IMMP2L: variants seen among roughly 807,000 people sequenced by gnomAD.
IMMP2L encodes the protein inner mitochondrial membrane peptidase subunit 2.
Under a neutral mutation model 19.3 loss-of-function variants are expected in IMMP2L, and 18 were observed. The observed-to-expected ratio is 0.93, with a 90% CI of 0.64 to 1.38. The LOEUF is 1.38. Among genes scored for constraint, IMMP2L ranks in the 40% most tolerant of loss-of-function variants. IMMP2L has a pLI of 0.00. For synonymous variants in IMMP2L, 76 were observed against 73.0 expected, an observed-to-expected ratio of 1.04 and a Z score of -0.21; for missense variants, 233 against 218.2, an observed-to-expected ratio of 1.07 and a Z score of -0.43.
At chr7:111,401,249 T>C (rs1002527610) in intron 3 of IMMP2L, among the ~76,000 whole-genome samples, 1 of 152,170 alleles carries the variant, frequency 6.6e-6, no homozygotes, top group Admixed American at 6.5e-5. Flanking sequence ...TACTTACCTG[T>C]AAATACTAAA....
chr7:111,456,401 T>C (rs570382580), intron 3 of IMMP2L, among the ~76,000 whole-genome samples: 1 of 151,882 alleles, frequency 6.6e-6, no homozygotes, highest in African/African-American at 2.4e-5. Context: ...AATCCTAGAT[T>C]AGTTAACAGC....
chr7:110,859,118 T>C (rs962922675), intron 5 of IMMP2L, among the ~76,000 whole-genome samples: 1 of 152,102 alleles, frequency 6.6e-6, no homozygotes, highest in Non-Finnish European at 1.5e-5. Flanking sequence ...GTTGTTTTGA[T>C]TGATATAAAA....
chr7:111,063,467 T>C (rs552044924), intron 3 of IMMP2L, among the ~76,000 whole-genome samples: 2 of 152,288 alleles, frequency 1.3e-5, no homozygotes, highest in African/African-American at 4.8e-5. Context: ...CCTATTTTCT[T>C]GGGGCTTAAC....
rs144646748 is a variant in IMMP2L, at chr7:111,506,633, G to A, written c.135+14680C>T. 4.0e-3 allele frequency among the ~76,000 whole-genome samples: 606 copies of A among 152,264 alleles called. 2 individuals carry two copies. Among genetic ancestry groups the A allele is most frequent in the Middle Eastern group, 0.02 (6 of 294 alleles). On this transcript the variant is annotated intron_variant, in intron 2 of 5. Coordinates refer to ENST00000405709, the MANE Select transcript of IMMP2L (RefSeq NM_032549.4). ...GATGGTCTCAATCTCCTAACCTCGT[G>A]ATCCACCTGCCTTGGCCTCCCAAAG...
chr7:110,716,486 C>T (rs1425800764), intron 5 of IMMP2L, among the ~76,000 whole-genome samples: 1 of 152,112 alleles, frequency 6.6e-6, no homozygotes, highest in African/African-American at 2.4e-5. Context: ...TCTTGTAAGA[C>T]TTGGTGTAAT....
chr7:110,923,504 A>C (rs1814526952), intron 4 of IMMP2L, among the ~76,000 whole-genome samples: 1 of 152,186 alleles, frequency 6.6e-6, no homozygotes, highest in Admixed American at 6.6e-5. Flanking sequence ...GAACTCTTAA[A>C]TATATTGGAT....
At chr7:110,973,004 T>C (rs963875485) in intron 3 of IMMP2L, among the ~76,000 whole-genome samples, 5 of 152,084 alleles carry the variant, frequency 3.3e-5, no homozygotes, top group East Asian at 1.9e-4. Context: ...GGTCAAAATA[T>C]TCCCAGTCAA....
At chr7:110,731,219 C>T (rs1372364093) in intron 5 of IMMP2L, among the ~76,000 whole-genome samples, 1 of 151,964 alleles carries the variant, frequency 6.6e-6, no homozygotes, top group African/African-American at 2.4e-5. Flanking sequence ...CTTTTTTAAT[C>T]TAGAGAAACC....
At chr7:111,464,441 C>A (rs1029552178) in intron 3 of IMMP2L, among the ~76,000 whole-genome samples, 5 of 152,162 alleles carry the variant, frequency 3.3e-5, no homozygotes, top group African/African-American at 1.2e-4. Flanking sequence ...TATGACCATG[C>A]CACTGCACTC....
intron 2 of IMMP2L, among the ~76,000 whole-genome samples, chr7:111,504,734 T>C (rs568131781): frequency 6.6e-6 from 1 of 152,348 alleles, no homozygotes; most frequent in East Asian, 1.9e-4. Flanking sequence ...GGATTTCCTA[T>C]TTAATAAATG....
chr7:111,488,418 C>A (rs1259401233), intron 2 of IMMP2L, among the ~76,000 whole-genome samples: 1 of 152,146 alleles, frequency 6.6e-6, no homozygotes, highest in Non-Finnish European at 1.5e-5. Flanking sequence ...TCCCACATAT[C>A]AGTGAGAACA....
At chr7:111,134,516 C>G (rs951217845) in intron 3 of IMMP2L, among the ~76,000 whole-genome samples, 6 of 151,848 alleles carry the variant, frequency 4.0e-5, no homozygotes, top group African/African-American at 7.3e-5. Context: ...TGCATTATGT[C>G]ACAGCATTTT....
chr7:110,967,275 A>G (rs1819635811), intron 3 of IMMP2L, among the ~76,000 whole-genome samples: 1 of 151,956 alleles, frequency 6.6e-6, no homozygotes, highest in South Asian at 2.1e-4. Context: ...TTATGTTCCC[A>G]AAAAGTTATA....
intron 1 of IMMP2L, among the ~76,000 whole-genome samples, chr7:111,557,471 G>A (rs945352561): frequency 2.6e-5 from 4 of 152,006 alleles, no homozygotes; most frequent in South Asian, 2.1e-4. Flanking sequence ...CTATGTTCTC[G>A]TAATGCCACA....
chr7:111,540,628 G>A (rs1848427250), intron 1 of IMMP2L, among the ~76,000 whole-genome samples: 1 of 152,058 alleles, frequency 6.6e-6, no homozygotes, highest in African/African-American at 2.4e-5. Context: ...ACCCAAGAGT[G>A]TTAGTTACCG....
intron 3 of IMMP2L, among the ~76,000 whole-genome samples, chr7:111,313,703 A>G (rs893042486): frequency 1.3e-5 from 2 of 152,198 alleles, no homozygotes; most frequent in African/African-American, 4.8e-5. Flanking sequence ...ATAGAATCAG[A>G]GGAAACAGAC....
At chr7:111,560,721 C>A (rs961814261) in intron 1 of IMMP2L, among the ~76,000 whole-genome samples, 2 of 152,242 alleles carry the variant, frequency 1.3e-5, no homozygotes, top group African/African-American at 4.8e-5. Context: ...ACAATCTCAT[C>A]ATTCTCACCA....
intron 5 of IMMP2L, among the ~76,000 whole-genome samples, chr7:110,872,424 A>G (rs1294767633): frequency 6.6e-6 from 1 of 152,062 alleles, no homozygotes; most frequent in Non-Finnish European, 1.5e-5. Flanking sequence ...TGGCTTTTAT[A>G]CTTTTTACCT....
At chr7:111,221,138 G>A (rs1356405276) in intron 3 of IMMP2L, among the ~76,000 whole-genome samples, 1 of 151,982 alleles carries the variant, frequency 6.6e-6, no homozygotes, top group Non-Finnish European at 1.5e-5. Flanking sequence ...AGTAAAGGAA[G>A]CATCTCTACC....
Sources: gnomAD v4.1 joint callset for allele counts (sites outside exome capture counted in the v4.1 genomes callset) on GRCh38, gnomAD v4.1.1 for gene constraint, MANE v1.5 for transcripts, NCBI Gene and HGNC (gene_info 2026-07-23, HGNC 2026-07-21) for gene names.